RTEL1: variants seen among roughly 807,000 people sequenced by gnomAD.
The protein encoded by RTEL1 is regulator of telomere length.
Under a neutral mutation model 162.2 loss-of-function variants are expected in RTEL1, and 86 were observed. The observed-to-expected ratio is 0.53, with a 90% CI of 0.45 to 0.63. The LOEUF (loss-of-function observed/expected upper bound fraction) is 0.63, where lower values mean the gene tolerates loss of function less well. RTEL1 is among the 30% of genes least tolerant of loss of function. The pLI, the probability that RTEL1 is intolerant of heterozygous loss-of-function variation, is 0.00. For synonymous variants in RTEL1, 958 were observed against 717.9 expected, an observed-to-expected ratio of 1.33 and a Z score of -5.35; for missense variants, 1,941 against 1,750.2, an observed-to-expected ratio of 1.11 and a Z score of -1.95.
In RTEL1 at chr20:63,691,761, T is replaced by C. The variant is rs748550617; in HGVS notation, c.2576T>C (p.Leu859Pro). The C allele has an allele frequency of 4.3e-6, 7 of 1,612,450 alleles. No homozygotes were observed. The highest frequency in any genetic ancestry group is 2.2e-5 in the South Asian group (2 of 91,078). Residue 859 changes from leucine to proline, a missense_variant, in exon 28 of 35, where the codon CTG (leucine) becomes CCG (proline). By Grantham distance (98) the Leu-to-Pro change is moderately conservative. Coordinates refer to ENST00000360203, the MANE Select transcript of RTEL1 (RefSeq NM_001283009.2). ...CCTCAGGCCCACAGCTGCTCCACCC[T>C]GTCCCTCCTGTCTGAGAAGAGGCCG... ...GEEQAHSCST[L>P]SLLSEKRPAE... is the part of the protein sequence containing the mutation.
At chr20:63,688,445 G>A in intron 20 of RTEL1, 59 bp downstream of exon 20, 1 of 1,606,392 alleles carries the variant, frequency 6.2e-7, no homozygotes. Flanking sequence ...GCATGAAGCA[G>A]GCAGTGGTCA....
intron 25 of RTEL1, 29 bp from the exon 26 acceptor site, chr20:63,690,265 T>G: frequency 6.2e-7 from 1 of 1,600,682 alleles, no homozygotes; most frequent in Non-Finnish European, 8.5e-7. Context: ...GAGCCAGAAA[T>G]GGGTCCACCC....
Position 63,695,091 on chromosome 20 carries a change from C to T in RTEL1, c.3369C>T (p.His1123=), listed in dbSNP as rs2145477387. 1 of 1,612,374 alleles carries T rather than the reference C, an allele frequency of 6.2e-7. No homozygotes were observed. The highest frequency in any genetic ancestry group is 1.1e-5 in the South Asian group (1 of 91,088). The change falls in exon 33 of 35, where the codon CAC becomes CAT. Residue 1123 remains histidine, a synonymous_variant. Transcript: ENST00000360203. The part of the protein sequence containing the change: ...LHRFSMFVRP[H]HKQRFSQTCT... ...GGTTCAGCATGTTTGTGCGTCCACA[C>T]CACAAGCAGCGCTTCTCACAGACGT...
intron 8 of RTEL1, among the ~76,000 whole-genome samples, chr20:63,670,539 G>A (rs145146691): frequency 7.2e-5 from 11 of 152,374 alleles, no homozygotes; most frequent in African/African-American, 2.6e-4. Flanking sequence ...AGCCGACACT[G>A]TGGTCCCACT....
At chr20:63,686,774 G>C (rs1292992600) in intron 16 of RTEL1, 4 of 155,152 alleles carry the variant, frequency 2.6e-5, no homozygotes, top group South Asian at 2.1e-4. Context: ...TCCATCCCGG[G>C]GGGAGGCCGG....
At chr20:63,693,306 C>G (rs1393972969) in intron 30 of RTEL1, 23 bp downstream of exon 30, 2 of 1,610,486 alleles carry the variant, frequency 1.2e-6, no homozygotes. Context: ...CCAGGTGGGA[C>G]CCTCAGACTC....
intron 14 of RTEL1, chr20:63,682,039 C>T (rs1007065346): frequency 9.1e-6 from 9 of 985,318 alleles, no homozygotes; most frequent in South Asian, 9.4e-5. Flanking sequence ...CATGGCCAGG[C>T]GAGGTAGCCC....
rs372129544 is a variant in RTEL1 at position 63,659,367 on chromosome 20, C to G, written c.-36C>G. On this transcript the variant is annotated 5_prime_UTR_variant, in exon 2 of 35. Coordinates refer to ENST00000360203, the MANE Select transcript of RTEL1 (RefSeq NM_001283009.2). The stretch of plus-strand genomic sequence containing the variant: ...GCACAGACCCGAATAGCCTGCCCCT[C>G]AGCCACGCTCTGTGCCCTTCTGAGA... 1.5e-4 allele frequency: 222 copies of G among 1,513,436 alleles called. 2 individuals carry two copies. In the South Asian group the frequency reaches 2.3e-3, roughly 16 times the overall value. The allele number at this position is 1,513,436 out of a possible 1,614,324, so 93.8% of individuals were successfully genotyped here.
chr20:63,692,485 G>T, intron 28 of RTEL1: 1 of 427,804 alleles, frequency 2.3e-6, no homozygotes, highest in Non-Finnish European at 4.3e-6. Context: ...CCGCTGTGGG[G>T]CAGGGGGCTT....
In RTEL1 at chr20:63,661,216, T is replaced by C; in HGVS notation, c.103-82T>C. ...CATCTGCAAAGAGCTGCCCGCTGGC[T>C]GCCGAAGCTTGTCTCAGGGCAGCTT... On this transcript the variant is annotated intron_variant, in intron 2 of 34. Coordinates refer to ENST00000360203, the MANE Select transcript of RTEL1 (RefSeq NM_001283009.2). This position sits in a 1 kb window ranked among gnomAD's most constrained non-coding sequence, Gnocchi z 5.1. 1.5e-6 allele frequency: 2 copies of C among 1,333,988 alleles called. No individual in the cohort carries two copies. The highest frequency in any genetic ancestry group is 2.1e-6 in the Non-Finnish European group (2 of 951,766). The allele number at this position is 1,333,988 out of a possible 1,614,324, so 82.6% of individuals were successfully genotyped here.
chr20:63,688,336 ATCT>A lies in RTEL1; in HGVS notation c.1678_1680del (p.Phe560del), dbSNP rs779176651. 14 of 1,612,392 alleles carry A rather than the reference ATCT, an allele frequency of 8.7e-6. No individual in the cohort carries two copies. The highest frequency in any genetic ancestry group is 1.1e-5 in the South Asian group (1 of 91,078). On this transcript the variant is annotated inframe_deletion, in exon 20 of 35. Transcript: ENST00000360203. Reference sequence around the variant, plus strand: ...CCGCGTGGTGCCCTATGGGCTCCTGATCTTCTTCCCTTCCTATCCTGTCATGGA... The same window carrying A: ...CCGCGTGGTGCCCTATGGGCTCCTGATCTTCCCTTCCTATCCTGTCATGGA...
chr20:63,658,896 G>C (rs1005515182), intron 1 of RTEL1: 3 of 160,318 alleles, frequency 1.9e-5, no homozygotes, highest in African/African-American at 7.2e-5. Context: ...GGCAGGGCCG[G>C]AGGTTCAGAC....
chr20:63,694,818 T>C lies in RTEL1; in HGVS notation c.3187T>C (p.Tyr1063His). ...GCAGGGCCAGCACGCCGTGAGCGCC[T>C]ACCTGGCTGATGCCCGCAGGGCCCT... ...GKQGQHAVSA[Y>H]LADARRALGS... Residue 1063 changes from tyrosine to histidine, a missense_variant, in exon 32 of 35, where the codon TAC (tyrosine) becomes CAC (histidine). Tyr to His is a moderately conservative substitution (Grantham distance 83, BLOSUM62 2). Transcript: ENST00000360203. 6.2e-7 allele frequency: 1 copy of C among 1,612,502 alleles called. No individual in the cohort carries two copies. The highest frequency in any genetic ancestry group is 8.5e-7 in the Non-Finnish European group (1 of 1,179,784).
Position 63,661,623 on chromosome 20 carries a change from A to G in RTEL1, c.301+127A>G. 9.3e-7 allele frequency: 1 copy of G among 1,072,238 alleles called. No individual in the cohort carries two copies. The highest frequency in any genetic ancestry group is 1.6e-5 in the South Asian group (1 of 63,516). The allele number at this position is 1,072,238 out of a possible 1,614,324, so 66.4% of individuals were successfully genotyped here. A position where few individuals can be genotyped will look rare whatever the true frequency, so the allele number is the denominator to read the frequency against. ...AAGCAGAACTCAAGGAGAATTTTTTAGCTGCTGTATAATTTCTCGCCATCG... is the reference window on the plus strand; with the variant it reads ...AAGCAGAACTCAAGGAGAATTTTTTGGCTGCTGTATAATTTCTCGCCATCG... On this transcript the variant is annotated intron_variant, in intron 3 of 34. Coordinates refer to ENST00000360203, the MANE Select transcript of RTEL1 (RefSeq NM_001283009.2). This position sits in a 1 kb window ranked among gnomAD's most constrained non-coding sequence, Gnocchi z 5.1.
At chr20:63,659,626 T>G in intron 2 of RTEL1, 122 bp downstream of exon 2, 1 of 745,884 alleles carries the variant, frequency 1.3e-6, no homozygotes, top group Non-Finnish European at 2.4e-6. Context: ...GCGTCTGTCA[T>G]AAAAAGGGCT....
At chr20:63,690,558 C>T (rs2090712765) in intron 26 of RTEL1, 117 bp downstream of exon 26, 1 of 1,314,112 alleles carries the variant, frequency 7.6e-7, no homozygotes, top group East Asian at 2.5e-5. Context: ...CGCTTCCCCT[C>T]CCACCTCCAA....
rs892571944 is a variant in RTEL1, at chr20:63,680,947, G to A, written c.1191+228G>A. On this transcript the variant is annotated intron_variant, in intron 14 of 34. Coordinates refer to ENST00000360203, the MANE Select transcript of RTEL1 (RefSeq NM_001283009.2). ...TCTGGTGGCACATGCCCAGGGTGAT[G>A]CTGGTGAGGGAGGACGCAAAGGACA... The A allele has an allele frequency of 8.1e-6, 8 of 985,278 alleles. No homozygotes were observed. In the Admixed American group the frequency reaches 1.8e-4, roughly 23 times the overall value. 61.0% of individuals were successfully genotyped at this position (985,278 alleles called of 1,614,324 possible). A position where few individuals can be genotyped will look rare whatever the true frequency, so the allele number is the denominator to read the frequency against.
At chr20:63,671,648 ATTT>A (rs10717389) in intron 8 of RTEL1, among the ~76,000 whole-genome samples, 1 of 140,630 alleles carries the variant, frequency 7.1e-6, no homozygotes, top group African/African-American at 2.6e-5. Context: ...CGCCTGGCTA[ATTT>A]TTTTTTTTTT....
In RTEL1 at chr20:63,673,729, G is replaced by A. The variant is rs890745269; in HGVS notation, c.766-211G>A. On this transcript the variant is annotated intron_variant, in intron 9 of 34. Coordinates refer to ENST00000360203, the MANE Select transcript of RTEL1 (RefSeq NM_001283009.2). ...GCTGGGATTACAGGTGTGAGCCACC[G>A]CGCCCGGCCTGAAACAATCGTTTCT... Among the ~76,000 whole-genome samples, 8 of 152,106 alleles carry A rather than the reference G, an allele frequency of 5.3e-5. 1 individual carries two copies. In the South Asian group the frequency reaches 6.2e-4, roughly 12 times the overall value.
Sources: allele counts gnomAD v4.1 joint callset (sites outside exome capture counted in the v4.1 genomes callset), GRCh38; gene constraint gnomAD v4.1.1; non-coding constraint Gnocchi (gnomAD v3.1); transcripts MANE v1.5; gene names NCBI Gene and HGNC (gene_info 2026-07-23, HGNC 2026-07-21).